NOD2: variants seen among roughly 807,000 people sequenced by gnomAD.
NOD2 encodes the protein nucleotide-binding oligomerization domain-containing protein 2.
A neutral mutation model predicts 90.9 loss-of-function variants in NOD2; 86 were observed. That is an observed-to-expected ratio of 0.95 (90% confidence interval 0.79 to 1.13). NOD2 has a LOEUF of 1.13. Ranked by LOEUF, NOD2 falls within the 50% of genes most tolerant of loss-of-function variation. NOD2 has a pLI of 0.00. For synonymous variants in NOD2, 581 were observed against 554.6 expected, an observed-to-expected ratio of 1.05 and a Z score of -0.67; for missense variants, 1,238 against 1,283.8, an observed-to-expected ratio of 0.96 and a Z score of 0.55.
intron 4 of NOD2, chr16:50,715,475 G>A (rs1964747081): frequency 6.6e-6 from 1 of 151,840 alleles, no homozygotes; most frequent in African/African-American, 2.4e-5. Context: ...GGGGTACAGT[G>A]GCACAATCTC....
At chr16:50,713,044 A>G (rs1373036342) in intron 4 of NOD2, 1 of 155,468 alleles carries the variant, frequency 6.4e-6, no homozygotes, top group East Asian at 1.9e-4. Flanking sequence ...CAAAGATGTG[A>G]GGTTTTGCCC....
chr16:50,711,824 C>G lies in NOD2; in HGVS notation c.1832C>G (p.Ser611Ter). 2 of 1,613,988 alleles carry G rather than the reference C, an allele frequency of 1.2e-6. No homozygotes were observed. The highest frequency in any genetic ancestry group is 1.7e-6 in the Non-Finnish European group (2 of 1,179,872). The part of the protein sequence containing the change: ...HLFNCGRPGN[S>*]PMARLLPTMC... ...TTCAATTGTGGCAGGCCAGGCAACT[C>G]ACCAATGGCCAGGCTCCTGCCCACG... Residue 611 changes from serine to a stop codon, truncating the protein, a stop_gained, in exon 4 of 12, where the codon TCA becomes TGA. Coordinates refer to ENST00000647318, the MANE Select transcript of NOD2 (RefSeq NM_001370466.1). LOFTEE classifies it high-confidence loss of function.
chr16:50,697,512 C>A lies in NOD2; in HGVS notation c.-8-1976C>A, dbSNP rs1442799159. The A allele has an allele frequency of 1.7e-5, 11 of 666,466 alleles. No homozygotes were observed. The East Asian group carries it at 3.0e-4, about 18-fold the overall frequency. 41.3% of individuals were successfully genotyped at this position (666,466 alleles called of 1,614,324 possible). A position where few individuals can be genotyped will look rare whatever the true frequency, so the allele number is the denominator to read the frequency against. On this transcript the variant is annotated intron_variant, in intron 1 of 11. Coordinates refer to ENST00000647318, the MANE Select transcript of NOD2 (RefSeq NM_001370466.1). The stretch of plus-strand genomic sequence containing the variant: ...TCAATGGTGGGGGCCGCTGTCGCAT[C>A]CTTGGCTGGTGTTTCCACAGCTGAG...
Position 50,716,939 on chromosome 16 carries a change from G to A in NOD2, c.2514G>A (p.Lys838=), listed in dbSNP as rs1316155351. 7 of 1,614,150 alleles carry A rather than the reference G, an allele frequency of 4.3e-6. No homozygotes were observed. Among genetic ancestry groups the A allele is most frequent in the African/African-American group, 4.0e-5 (3 of 74,948 alleles). ...ACGGCTGTGCACACTCCATGGCTAA[G>A]CTCCTTGCATGCAGGCAGAACTTCT... ...LTDGCAHSMA[K]LLACRQNFLA... The change falls in exon 6 of 12, where the codon AAG becomes AAA. Residue 838 remains lysine, a synonymous_variant. Coordinates refer to ENST00000647318, the MANE Select transcript of NOD2 (RefSeq NM_001370466.1).
intron 4 of NOD2, chr16:50,712,622 A>G: frequency 1.7e-6 from 1 of 573,828 alleles, no homozygotes; most frequent in Non-Finnish European, 3.1e-6. Flanking sequence ...TCTAATCTCT[A>G]CAACCACCCT....
intron 4 of NOD2, 23 bp from the exon 5 acceptor site, chr16:50,716,564 A>G: frequency 6.2e-7 from 1 of 1,606,826 alleles, no homozygotes; most frequent in Middle Eastern, 1.7e-4. Context: ...CCATTTTCAA[A>G]TGTATTTATT....
chr16:50,707,022 T>C (rs114958760), intron 2 of NOD2, among the ~76,000 whole-genome samples: 2,790 of 152,316 alleles, frequency 0.018, 72 homozygotes, highest in African/African-American at 0.06. Context: ...TCTACATGGA[T>C]TACATGTTGA....
In NOD2 at chr16:50,696,659, G is replaced by A. The variant is rs5743261; in HGVS notation, c.-8-2829G>A. Among the ~76,000 whole-genome samples, 110 of 152,328 alleles carry A rather than the reference G, an allele frequency of 7.2e-4. No homozygotes were observed. The East Asian group carries it at 0.021, about 29-fold the overall frequency. On this transcript the variant is annotated intron_variant, in intron 1 of 11. Transcript: ENST00000647318. ...GCTGGTTAGTGAGAACAGCACTAAG[G>A]CCAGGTTCTCCTCCCCAGATGTTTA...
chr16:50,729,791 A>C, intron 10 of NOD2, 27 bp from the exon 11 acceptor site: 1 of 1,593,712 alleles, frequency 6.3e-7, no homozygotes, highest in Non-Finnish European at 8.6e-7. Flanking sequence ...GAATCCTTGA[A>C]GCTCACCATT....
chr16:50,695,738 A>C (rs1963617797), intron 1 of NOD2, among the ~76,000 whole-genome samples: 1 of 152,000 alleles, frequency 6.6e-6, no homozygotes, highest in African/African-American at 2.4e-5. Flanking sequence ...AATGCCCCAA[A>C]GAGGAAGGAG....
At position 50,699,604 on chromosome 16, in the gene NOD2, G is replaced by C; in HGVS notation, c.109G>C (p.Glu37Gln). Residue 37 changes from glutamate (E) to glutamine (Q), a missense_variant, in exon 2 of 12, where the codon GAG (glutamate) becomes CAG (glutamine). Glu to Gln is a conservative substitution (Grantham distance 29). Transcript: ENST00000647318. ...ESVLDWLLSWEVLSWEDYEGF... is the reference protein window; with the variant it reads ...ESVLDWLLSWQVLSWEDYEGF... ...TGTCCTGGACTGGCTGCTGTCCTGG[G>C]AGGTCCTCTCCTGGGAGGACTACGA... 6.2e-7 allele frequency: 1 copy of C among 1,614,104 alleles called. No homozygotes were observed. Among genetic ancestry groups the C allele is most frequent in the Non-Finnish European group, 8.5e-7 (1 of 1,180,006 alleles).
intron 3 of NOD2, among the ~76,000 whole-genome samples, chr16:50,708,206 G>A (rs953293982): frequency 2.0e-5 from 3 of 152,160 alleles, no homozygotes; most frequent in African/African-American, 7.2e-5. Flanking sequence ...TGACAATTGG[G>A]CTACCATATA....
chr16:50,700,440 C>T (rs1430874443), intron 2 of NOD2, among the ~76,000 whole-genome samples: 2 of 152,296 alleles, frequency 1.3e-5, no homozygotes, highest in Admixed American at 6.5e-5. Flanking sequence ...ACACTTCTGC[C>T]GAGAGGAAGT....
At chr16:50,697,522 T>G (rs1365474300) in intron 1 of NOD2, 13 of 657,084 alleles carry the variant, frequency 2.0e-5, no homozygotes, top group Non-Finnish European at 3.6e-5. Flanking sequence ...CCTTGGCTGG[T>G]GTTTCCACAG....
chr16:50,706,148 A>G (rs1234353160), intron 2 of NOD2, among the ~76,000 whole-genome samples: 1 of 152,200 alleles, frequency 6.6e-6, no homozygotes, highest in African/African-American at 2.4e-5. Context: ...CCAAGCTGAG[A>G]GGACAGCCAG....
In NOD2 at chr16:50,711,273, G is replaced by A. The variant is rs1964477827; in HGVS notation, c.1281G>A (p.Leu427=). 3 of 1,613,698 alleles carry A rather than the reference G, an allele frequency of 1.9e-6. No homozygotes were observed. Among genetic ancestry groups the A allele is most frequent in the African/African-American group, 1.3e-5 (1 of 74,944 alleles). ...LKGFSEQGIE[L]YLRKRHHEPG... ...GCTTCTCTGAACAGGGCATCGAGCT[G>A]TACCTGAGGAAGCGCCATCATGAGC... The change falls in exon 4 of 12, where the codon CTG becomes CTA. Residue 427 remains leucine (L), a synonymous_variant. Coordinates refer to ENST00000647318, the MANE Select transcript of NOD2 (RefSeq NM_001370466.1).
chr16:50,730,065 G>T (rs769137856), intron 11 of NOD2, 164 bp downstream of exon 11: 33 of 617,698 alleles, frequency 5.3e-5, no homozygotes, highest in Non-Finnish European at 9.2e-5. Context: ...CTCTGTCTAA[G>T]AAAGAAGTCT....
chr16:50,717,124 C>A, intron 6 of NOD2, 150 bp downstream of exon 6: 1 of 741,970 alleles, frequency 1.3e-6, no homozygotes, highest in South Asian at 1.5e-5. Flanking sequence ...CAGGGGTTCT[C>A]TAATGCTGTG....
At chr16:50,710,471 C>T (rs1244583508) in intron 3 of NOD2, 87 bp from the exon 4 acceptor site, 1 of 1,578,602 alleles carries the variant, frequency 6.3e-7, no homozygotes, top group African/African-American at 1.3e-5. Flanking sequence ...TCAGTTATGT[C>T]AGCGTCCCCC....
Sources: allele counts gnomAD v4.1 joint callset (sites outside exome capture counted in the v4.1 genomes callset), GRCh38; gene constraint gnomAD v4.1.1; transcripts MANE v1.5; gene names NCBI Gene and HGNC (gene_info 2026-07-23, HGNC 2026-07-21).